WWOX: variants seen among roughly 807,000 people sequenced by gnomAD.
WWOX encodes the protein WW domain-containing oxidoreductase.
In WWOX, 69 loss-of-function variants were observed where a neutral mutation model predicts 46.2. That is an observed-to-expected ratio of 1.49 (90% CI 1.23 to 1.82). The LOEUF (loss-of-function observed/expected upper bound fraction) is 1.82. WWOX is among the 40% of genes most tolerant of loss of function. The pLI is 0.00. For synonymous variants in WWOX, 359 were observed against 202.6 expected (o/e 1.77, Z -6.56); for missense variants, 919 against 542.6 (o/e 1.69, Z -6.89).
chr16:78,997,439 C>G (rs779233439), intron 8 of WWOX, among the ~76,000 whole-genome samples: 7 of 152,132 alleles, frequency 4.6e-5, no homozygotes, highest in Non-Finnish European at 1.0e-4. Flanking sequence ...GTTGTTATTT[C>G]TGTATATCTG....
At chr16:79,044,092 C>G (rs1295953878) in intron 8 of WWOX, among the ~76,000 whole-genome samples, 1 of 152,164 alleles carries the variant, frequency 6.6e-6, no homozygotes, top group African/African-American at 2.4e-5. Flanking sequence ...AGGCGCAGCT[C>G]CCAAAGGGAG....
intron 5 of WWOX, among the ~76,000 whole-genome samples, chr16:78,299,982 C>T (rs1013279986): frequency 4.6e-5 from 7 of 152,030 alleles, no homozygotes; most frequent in South Asian, 2.1e-4. Context: ...AAGGCTTGGC[C>T]GCAGTGTTGG....
intron 6 of WWOX, among the ~76,000 whole-genome samples, chr16:78,414,530 G>A (rs528353990): frequency 2.6e-5 from 4 of 152,166 alleles, no homozygotes; most frequent in East Asian, 1.9e-4. Context: ...TTGCGCCACT[G>A]CACTCCAGCC....
intron 8 of WWOX, among the ~76,000 whole-genome samples, chr16:79,170,398 T>C (rs955999732): frequency 6.6e-6 from 1 of 152,206 alleles, no homozygotes; most frequent in African/African-American, 2.4e-5. Context: ...CTTTCCTCTT[T>C]TGCCTCCTAA....
intron 8 of WWOX, among the ~76,000 whole-genome samples, chr16:78,864,517 C>T (rs1336347577): frequency 6.6e-6 from 1 of 152,092 alleles, no homozygotes; most frequent in African/African-American, 2.4e-5. Context: ...GATCCGCCTG[C>T]CTTGGCCTCC....
At chr16:78,900,030 A>C (rs1013251438) in intron 8 of WWOX, among the ~76,000 whole-genome samples, 1 of 145,728 alleles carries the variant, frequency 6.9e-6, no homozygotes, top group Admixed American at 6.8e-5. Context: ...ACCAAAACGG[A>C]GATGTGCAAT....
At chr16:78,598,187 T>G (rs1224252144) in intron 8 of WWOX, among the ~76,000 whole-genome samples, 2 of 152,208 alleles carry the variant, frequency 1.3e-5, no homozygotes, top group East Asian at 3.9e-4. Flanking sequence ...AAACATCATA[T>G]TCTCAAGAAG....
chr16:78,308,646 C>T (rs1490303305), intron 5 of WWOX, among the ~76,000 whole-genome samples: 1 of 152,156 alleles, frequency 6.6e-6, no homozygotes, highest in East Asian at 1.9e-4. Context: ...CTTTCCAGGT[C>T]TTTTCCTGAT....
At chr16:79,127,471 A>G (rs575651272) in intron 8 of WWOX, among the ~76,000 whole-genome samples, 1 of 152,298 alleles carries the variant, frequency 6.6e-6, no homozygotes, top group Non-Finnish European at 1.5e-5. Flanking sequence ...GCTGAGTATT[A>G]CACTGTGTGG....
chr16:78,367,284 G>T (rs2081559198), intron 5 of WWOX, among the ~76,000 whole-genome samples: 1 of 152,042 alleles, frequency 6.6e-6, no homozygotes, highest in African/African-American at 2.4e-5. Flanking sequence ...CAGCCGAAAA[G>T]TTATAATTTT....
rs141319279 is a variant in WWOX at position 79,124,910 on chromosome 16, T to A, written c.1057-86698T>A. ...TTACATATTTTAATTTAAGGTGGTA[T>A]TACTGTCCTCATTTTCAAGCTGAAG... On this transcript the variant is annotated intron_variant, in intron 8 of 8. Coordinates refer to ENST00000566780, the MANE Select transcript of WWOX (RefSeq NM_016373.4). Among the ~76,000 whole-genome samples, 19 of 152,286 alleles carry A rather than the reference T, an allele frequency of 1.2e-4. No homozygotes were observed. The East Asian group carries it at 3.7e-3, about 29-fold the overall frequency.
At chr16:78,514,484 G>A (rs2738741) in intron 8 of WWOX, among the ~76,000 whole-genome samples, 21,777 of 152,154 alleles carry the variant, frequency 0.14, 1,680 homozygotes, top group Non-Finnish European at 0.17. Flanking sequence ...TAAAAAGTTA[G>A]CAAAGGTGAA....
intron 8 of WWOX, among the ~76,000 whole-genome samples, chr16:79,161,563 C>A (rs1424561607): frequency 6.6e-6 from 1 of 152,106 alleles, no homozygotes; most frequent in Non-Finnish European, 1.5e-5. Flanking sequence ...TGTTCCATTG[C>A]CCAGGCTGGA....
intron 5 of WWOX, among the ~76,000 whole-genome samples, chr16:78,332,418 C>T (rs545105480): frequency 2.1e-4 from 32 of 152,272 alleles, no homozygotes; most frequent in East Asian, 7.7e-4. Flanking sequence ...ACTCCTCCAG[C>T]GGAGTAGCCT....
intron 8 of WWOX, among the ~76,000 whole-genome samples, chr16:78,840,214 C>G (rs1247619594): frequency 2.0e-5 from 3 of 152,164 alleles, no homozygotes; most frequent in Non-Finnish European, 4.4e-5. Flanking sequence ...AAAATAATTA[C>G]CATCACTAAT....
intron 8 of WWOX, among the ~76,000 whole-genome samples, chr16:78,749,190 C>G (rs1165765265): frequency 6.6e-6 from 1 of 152,148 alleles, no homozygotes; most frequent in Non-Finnish European, 1.5e-5. Flanking sequence ...ATGGGGTGAC[C>G]TGTGTGCCAT....
At chr16:78,669,356 A>G (rs182295191) in intron 8 of WWOX, among the ~76,000 whole-genome samples, 3 of 152,228 alleles carry the variant, frequency 2.0e-5, no homozygotes, top group Non-Finnish European at 2.9e-5. Context: ...TTTAACTCCA[A>G]CTTCTTCAAC....
At chr16:78,134,452 C>G (rs1327210503) in intron 4 of WWOX, among the ~76,000 whole-genome samples, 1 of 151,988 alleles carries the variant, frequency 6.6e-6, no homozygotes, top group Non-Finnish European at 1.5e-5. Context: ...TGCCTTTAGC[C>G]TTTGTTTTTA....
chr16:78,935,359 G>A (rs1453449512), intron 8 of WWOX, among the ~76,000 whole-genome samples: 2 of 152,074 alleles, frequency 1.3e-5, no homozygotes, highest in African/African-American at 2.4e-5. Flanking sequence ...CAACTCAGAT[G>A]TTCATCAATG....
Sources: allele counts gnomAD v4.1 joint callset (sites outside exome capture counted in the v4.1 genomes callset), GRCh38; gene constraint gnomAD v4.1.1; transcripts MANE v1.5; gene names NCBI Gene and HGNC (gene_info 2026-07-23, HGNC 2026-07-21).